The following LRRTM4 variants were observed in gnomAD, a reference collection of about 807,000 sequenced individuals.
LRRTM4 encodes the protein leucine rich repeat transmembrane neuronal 4, also known as leucine-rich repeat transmembrane neuronal protein 4.
Under a neutral mutation model 47.6 loss-of-function variants are expected in LRRTM4, and 25 were observed. That is an observed-to-expected ratio of 0.53 (90% confidence interval 0.38 to 0.73). The LOEUF (loss-of-function observed/expected upper bound fraction) is 0.73, where lower values mean the gene tolerates loss of function less well. LRRTM4 is among the 30% of genes least tolerant of loss of function. The pLI is 0.00. For synonymous variants in LRRTM4, 311 were observed against 269.5 expected (o/e 1.15, Z -1.51); for missense variants, 638 against 713.4 (o/e 0.89, Z 1.20).
Position 76,748,646 on chromosome 2 carries a change from G to GC in LRRTM4, c.*48dup, listed in dbSNP as rs1167929576. The GC allele has an allele frequency of 7.2e-7, 1 of 1,380,570 alleles. No individual in the cohort carries two copies. Among genetic ancestry groups the GC allele is most frequent in the Admixed American group, 1.7e-5 (1 of 59,256 alleles). The allele number at this position is 1,380,570 out of a possible 1,614,324, so 85.5% of individuals were successfully genotyped here. A position where few individuals can be genotyped will look rare whatever the true frequency, so the allele number is the denominator to read the frequency against. On this transcript the variant is annotated 3_prime_UTR_variant, in exon 4 of 4. Coordinates refer to ENST00000409884, the MANE Select transcript of LRRTM4 (RefSeq NM_001134745.3). ...ACACCCATTCTCCTTTAAGATGAAG[G>GC]CCCTCCCTCCCCCCCATGGAGCTCC...
At chr2:77,187,117 G>C (rs1158420593) in intron 3 of LRRTM4, among the ~76,000 whole-genome samples, 1 of 151,968 alleles carries the variant, frequency 6.6e-6, no homozygotes, top group Admixed American at 6.6e-5. Flanking sequence ...TCTACAACAG[G>C]GCCACCATAT....
intron 3 of LRRTM4, among the ~76,000 whole-genome samples, chr2:76,807,409 T>TATATAC (rs1491260039): frequency 1.3e-3 from 61 of 46,452 alleles, no homozygotes; most frequent in Admixed American, 3.0e-3. Context: ...TGTATATACG[T>TATATAC]ATATATATAT....
intron 3 of LRRTM4, among the ~76,000 whole-genome samples, chr2:76,769,285 A>G (rs1027260092): frequency 8.5e-5 from 13 of 152,264 alleles, no homozygotes; most frequent in Middle Eastern, 6.8e-3. Context: ...GTGATCTCTA[A>G]TGATTCCACT....
chr2:77,073,049 A>G (rs775458238), intron 3 of LRRTM4, among the ~76,000 whole-genome samples: 10 of 152,164 alleles, frequency 6.6e-5, no homozygotes, highest in East Asian at 1.9e-4. Context: ...AGCATGCAGA[A>G]TATCAATCTG....
chr2:76,852,830 G>A (rs1382341041), intron 3 of LRRTM4, among the ~76,000 whole-genome samples: 1 of 152,126 alleles, frequency 6.6e-6, no homozygotes, highest in Non-Finnish European at 1.5e-5. Context: ...TATAAGAACA[G>A]GTGTGGAAAG....
rs767248673 is a variant in LRRTM4 at position 77,286,754 on chromosome 2, A to G, written c.1551+231564T>C. On this transcript the variant is annotated intron_variant, in intron 3 of 3. Transcript: ENST00000409884. Reference sequence around the variant, plus strand: ...TAAAAGTAGTCATTAACAATACAAAATATTACAATAAAAAATCTAGCTATT... The same window carrying G: ...TAAAAGTAGTCATTAACAATACAAAGTATTACAATAAAAAATCTAGCTATT... Among the ~76,000 whole-genome samples, 62 of 152,134 alleles carry G rather than the reference A, an allele frequency of 4.1e-4. 1 individual carries two copies. The highest frequency in any genetic ancestry group is 7.4e-4 in the Non-Finnish European group (50 of 68,018).
At chr2:77,137,610 A>G (rs1671984641) in intron 3 of LRRTM4, among the ~76,000 whole-genome samples, 1 of 152,186 alleles carries the variant, frequency 6.6e-6, no homozygotes, top group South Asian at 2.1e-4. Flanking sequence ...ACAGGATCAA[A>G]TTCACACATA....
At chr2:76,920,245 G>C (rs912875396) in intron 3 of LRRTM4, among the ~76,000 whole-genome samples, 8 of 151,928 alleles carry the variant, frequency 5.3e-5, no homozygotes, top group African/African-American at 1.9e-4. Context: ...TTTTCCTATA[G>C]AAATAAAAAT....
At chr2:77,410,996 T>C (rs984560168) in intron 3 of LRRTM4, among the ~76,000 whole-genome samples, 7 of 152,280 alleles carry the variant, frequency 4.6e-5, no homozygotes, top group East Asian at 3.9e-4. Context: ...CCAACGAGAA[T>C]CTTATTTTCA....
intron 3 of LRRTM4, among the ~76,000 whole-genome samples, chr2:76,883,189 G>A (rs1672978735): frequency 6.6e-6 from 1 of 152,140 alleles, no homozygotes. Flanking sequence ...CACCTCTCCT[G>A]TGGAGCTTTC....
intron 3 of LRRTM4, among the ~76,000 whole-genome samples, chr2:77,100,846 CTTTT>C (rs752749316): frequency 6.5e-5 from 8 of 122,952 alleles, no homozygotes; most frequent in Admixed American, 8.5e-5. Flanking sequence ...AGCTCTGATT[CTTTT>C]TTTTTTTTTT....
At chr2:76,997,714 A>T (rs1677251517) in intron 3 of LRRTM4, among the ~76,000 whole-genome samples, 1 of 152,142 alleles carries the variant, frequency 6.6e-6, no homozygotes, top group African/African-American at 2.4e-5. Flanking sequence ...CAGGTCACAG[A>T]GCAGTACCAG....
chr2:77,378,395 G>A (rs1419731228), intron 3 of LRRTM4, among the ~76,000 whole-genome samples: 1 of 151,836 alleles, frequency 6.6e-6, no homozygotes, highest in East Asian at 1.9e-4. Context: ...TATTTTGAAA[G>A]CTACTTTAAA....
chr2:76,836,546 T>C lies in LRRTM4; in HGVS notation c.1552-87630A>G, dbSNP rs577644874. Among the ~76,000 whole-genome samples the C allele has an allele frequency of 2.0e-5, 3 of 152,006 alleles. No individual in the cohort carries two copies. The South Asian group carries it at 6.2e-4, about 32-fold the overall frequency. On this transcript the variant is annotated intron_variant, in intron 3 of 3. Coordinates refer to ENST00000409884, the MANE Select transcript of LRRTM4 (RefSeq NM_001134745.3). Reference sequence around the variant, plus strand: ...TCGCCATTTTTAGTTGTAAAGGCAGTAATAATAATATTGATGATAATTAAC... The same window carrying C: ...TCGCCATTTTTAGTTGTAAAGGCAGCAATAATAATATTGATGATAATTAAC...
At chr2:77,054,501 A>C (rs761956408) in intron 3 of LRRTM4, among the ~76,000 whole-genome samples, 32 of 152,190 alleles carry the variant, frequency 2.1e-4, no homozygotes, top group Non-Finnish European at 4.6e-4. Context: ...TATCAAAGCT[A>C]TTTAATTAAA....
intron 3 of LRRTM4, among the ~76,000 whole-genome samples, chr2:77,060,209 T>G (rs1679741136): frequency 6.6e-6 from 1 of 152,244 alleles, no homozygotes. Context: ...ATTTATAACA[T>G]ATATACTTAG....
intron 3 of LRRTM4, among the ~76,000 whole-genome samples, chr2:77,042,648 T>A (rs1679075626): frequency 7.1e-6 from 1 of 140,358 alleles, no homozygotes; most frequent in Non-Finnish European, 1.5e-5. Flanking sequence ...TAAAGTAAAA[T>A]TAATTTCATG....
chr2:76,792,910 T>C (rs1017903538), intron 3 of LRRTM4, among the ~76,000 whole-genome samples: 9 of 152,168 alleles, frequency 5.9e-5, no homozygotes, highest in African/African-American at 1.4e-4. Flanking sequence ...CATCGTTTCA[T>C]ATATTTTCCC....
chr2:76,774,381 G>T (rs889230778), intron 3 of LRRTM4, among the ~76,000 whole-genome samples: 1 of 151,866 alleles, frequency 6.6e-6, no homozygotes, highest in Non-Finnish European at 1.5e-5. Context: ...TAGTAGAGAA[G>T]GGGTTTCACC....
Sources: gnomAD v4.1 joint callset for allele counts (sites outside exome capture counted in the v4.1 genomes callset) on GRCh38, gnomAD v4.1.1 for gene constraint, MANE v1.5 for transcripts, NCBI Gene and HGNC (gene_info 2026-07-23, HGNC 2026-07-21) for gene names.